HAPLN1: variants seen among roughly 807,000 people sequenced by gnomAD.
HAPLN1 encodes the protein hyaluronan and proteoglycan link protein 1, also known as Cartilage link protein.
Under a neutral mutation model 36.5 loss-of-function variants are expected in HAPLN1, and 13 were observed. That is an observed-to-expected ratio of 0.36 (90% confidence interval 0.23 to 0.57). The LOEUF is 0.57. Ranked by LOEUF, HAPLN1 falls within the 20% of genes least tolerant of loss-of-function variation. The probability of loss-of-function intolerance (pLI) is 0.83; values close to 1 mark genes in which losing one functional copy is unlikely to be tolerated. For synonymous variants in HAPLN1, 202 were observed against 169.8 expected, an observed-to-expected ratio of 1.19 and a Z score of -1.48; for missense variants, 407 against 439.7, an observed-to-expected ratio of 0.93 and a Z score of 0.66.
At chr5:83,688,579 T>A (rs1326639856) in intron 1 of HAPLN1, among the ~76,000 whole-genome samples, 1 of 151,724 alleles carries the variant, frequency 6.6e-6, no homozygotes, top group Non-Finnish European at 1.5e-5. Context: ...TGACCTCTTT[T>A]GTGGGCATTC....
intron 1 of HAPLN1, among the ~76,000 whole-genome samples, chr5:83,686,934 T>C (rs6889568): frequency 2.6e-5 from 4 of 152,168 alleles, no homozygotes; most frequent in African/African-American, 9.7e-5. Context: ...AGAATTTTTA[T>C]TCTGTAAAAA....
rs148037627 is a variant in HAPLN1 at position 83,702,454 on chromosome 5, C to T, written c.-27+18335G>A. On this transcript the variant is annotated intron_variant, in intron 1 of 4. Transcript: ENST00000274341. The stretch of plus-strand genomic sequence containing the variant: ...AAGACTGTAGAGCATCTACAAAAGA[C>T]GCAGGAACTGAGTCCCCACTAAAAT... 1.6e-3 allele frequency among the ~76,000 whole-genome samples: 242 copies of T among 152,226 alleles called. 1 individual carries two copies. The highest frequency in any genetic ancestry group is 5.4e-3 in the African/African-American group (224 of 41,538).
At chr5:83,708,840 C>T (rs1479117607) in intron 1 of HAPLN1, among the ~76,000 whole-genome samples, 1 of 152,118 alleles carries the variant, frequency 6.6e-6, no homozygotes, top group African/African-American at 2.4e-5. Flanking sequence ...TATAAAACAT[C>T]TAAAAATTAT....
rs1749711819 is a variant in HAPLN1 at position 83,641,799 on chromosome 5, G to C, written c.776-14C>G. ...AGTAAAAACGGCCTGTAGAGAAAAG[G>C]AGACAGAGTCAATGGGCTGGTCTTC... On this transcript the variant is annotated splice_polypyrimidine_tract_variant and intron_variant, in intron 4 of 4. Transcript: ENST00000274341. 2.5e-6 allele frequency: 4 copies of C among 1,609,522 alleles called. No homozygotes were observed. The East Asian group carries it at 6.7e-5, about 27-fold the overall frequency.
chr5:83,644,362 C>T lies in HAPLN1; in HGVS notation c.775+1G>A. On this transcript the variant is annotated splice_donor_variant, in intron 4 of 4. Coordinates refer to ENST00000274341, the MANE Select transcript of HAPLN1 (RefSeq NM_001884.4). LOFTEE classifies it high-confidence loss of function. ...AGAAGGCAGTACAGTTATTATCTTA[C>T]CATTGAAATTGGATGTAAAACAGAA... 1 of 1,547,520 alleles carries T rather than the reference C, an allele frequency of 6.5e-7. No homozygotes were observed. The highest frequency in any genetic ancestry group is 8.7e-7 in the Non-Finnish European group (1 of 1,145,722).
intron 4 of HAPLN1, 148 bp downstream of exon 4, chr5:83,644,215 A>C: frequency 1.7e-6 from 1 of 593,338 alleles, no homozygotes; most frequent in Non-Finnish European, 2.5e-6. Context: ...ACACTCAAGA[A>C]CTTTTTATAT....
chr5:83,695,194 C>T (rs1039664032), intron 1 of HAPLN1, among the ~76,000 whole-genome samples: 4 of 152,130 alleles, frequency 2.6e-5, no homozygotes, highest in African/African-American at 9.7e-5. Context: ...GGCGCAATCT[C>T]GGCTCACTGC....
intron 1 of HAPLN1, among the ~76,000 whole-genome samples, chr5:83,684,117 A>G (rs1381955774): frequency 6.6e-6 from 1 of 152,140 alleles, no homozygotes; most frequent in Non-Finnish European, 1.5e-5. Context: ...GGGAGCAATG[A>G]CTTGAAGGAT....
intron 3 of HAPLN1, 61 bp downstream of exon 3, chr5:83,652,392 T>C (rs1561302385): frequency 6.7e-7 from 1 of 1,500,880 alleles, no homozygotes; most frequent in Non-Finnish European, 9.0e-7. Flanking sequence ...TTACTCTTCA[T>C]GAAAAAAAAA....
chr5:83,652,273 A>G, intron 3 of HAPLN1, 180 bp downstream of exon 3: 1 of 586,782 alleles, frequency 1.7e-6, no homozygotes, highest in Non-Finnish European at 2.9e-6. Flanking sequence ...TTGTGTATGC[A>G]TTTCAAACAT....
intron 1 of HAPLN1, among the ~76,000 whole-genome samples, chr5:83,687,525 T>A (rs897660621): frequency 6.6e-6 from 1 of 152,228 alleles, no homozygotes; most frequent in African/African-American, 2.4e-5. Flanking sequence ...CATTATAGCA[T>A]CTAAACAAGG....
At chr5:83,678,218 T>TGG (rs1554049525) in intron 1 of HAPLN1, among the ~76,000 whole-genome samples, 13 of 50,606 alleles carry the variant, frequency 2.6e-4, no homozygotes, top group African/African-American at 1.2e-3. Context: ...ATCTATAGTT[T>TGG]GGGTGTGTGT....
At chr5:83,670,340 A>G (rs1750673132) in intron 2 of HAPLN1, among the ~76,000 whole-genome samples, 2 of 152,180 alleles carry the variant, frequency 1.3e-5, no homozygotes, top group South Asian at 4.1e-4. Flanking sequence ...GTGTATAGAG[A>G]GGATATTAAC....
chr5:83,684,905 C>T (rs566911468), intron 1 of HAPLN1, among the ~76,000 whole-genome samples: 1 of 152,196 alleles, frequency 6.6e-6, no homozygotes, highest in South Asian at 2.1e-4. Context: ...CATGCATACT[C>T]TGTTTACTAG....
At chr5:83,683,292 T>C (rs1751048161) in intron 1 of HAPLN1, among the ~76,000 whole-genome samples, 1 of 152,158 alleles carries the variant, frequency 6.6e-6, no homozygotes, top group Non-Finnish European at 1.5e-5. Flanking sequence ...CAGTATAAAG[T>C]TCCCCAAGGT....
At chr5:83,706,174 G>C (rs541106812) in intron 1 of HAPLN1, among the ~76,000 whole-genome samples, 28 of 146,394 alleles carry the variant, frequency 1.9e-4, no homozygotes, top group Non-Finnish European at 3.4e-4. Flanking sequence ...GTACAAGAAA[G>C]AGCTTGTACC....
intron 1 of HAPLN1, among the ~76,000 whole-genome samples, chr5:83,702,264 C>T (rs1751525248): frequency 6.6e-6 from 1 of 151,910 alleles, no homozygotes; most frequent in Admixed American, 6.5e-5. Flanking sequence ...TTTGGCCTGC[C>T]TTTCATGGCT....
chr5:83,702,173 T>C (rs1751523949), intron 1 of HAPLN1, among the ~76,000 whole-genome samples: 1 of 152,142 alleles, frequency 6.6e-6, no homozygotes, highest in South Asian at 2.1e-4. Context: ...GGAGTAGAAC[T>C]GCATAAATGT....
intron 1 of HAPLN1, among the ~76,000 whole-genome samples, chr5:83,680,418 C>G (rs1221658420): frequency 6.6e-6 from 1 of 152,010 alleles, no homozygotes; most frequent in Non-Finnish European, 1.5e-5. Context: ...ATATTTCTTG[C>G]CTCTGAGTAA....
Sources: gnomAD v4.1 joint callset for allele counts (sites outside exome capture counted in the v4.1 genomes callset) on GRCh38, gnomAD v4.1.1 for gene constraint, MANE v1.5 for transcripts, NCBI Gene and HGNC (gene_info 2026-07-23, HGNC 2026-07-21) for gene names.